SCP2: variants seen among roughly 807,000 people sequenced by gnomAD.
The protein encoded by SCP2 is sterol carrier protein 2.
In SCP2, 48 loss-of-function variants were observed where a neutral mutation model predicts 71.4. The ratio of observed to expected loss-of-function variants is 0.67; its 90% CI spans 0.53 to 0.86. SCP2 has a LOEUF of 0.86. SCP2 is among the 40% of genes least tolerant of loss of function. The pLI, the probability that SCP2 is intolerant of heterozygous loss-of-function variation, is 0.00. For missense variants in SCP2, 560 were observed against 655.6 expected, an observed-to-expected ratio of 0.85 and a Z score of 1.59; for synonymous variants, 220 against 218.1, an observed-to-expected ratio of 1.01 and a Z score of -0.08.
intron 2 of SCP2, among the ~76,000 whole-genome samples, chr1:52,944,652 T>C (rs1222745105): frequency 6.6e-6 from 1 of 152,104 alleles, no homozygotes; most frequent in East Asian, 1.9e-4. Flanking sequence ...AGTGTGTGTA[T>C]AATATTTTGA....
At chr1:53,004,968 G>C (rs1660539210) in intron 11 of SCP2, among the ~76,000 whole-genome samples, 1 of 152,222 alleles carries the variant, frequency 6.6e-6, no homozygotes, top group Admixed American at 6.5e-5. Context: ...GGCACACCAG[G>C]AGATTATATC....
intron 2 of SCP2, among the ~76,000 whole-genome samples, chr1:52,945,428 G>C (rs2150117673): frequency 1.3e-5 from 2 of 152,264 alleles, no homozygotes; most frequent in South Asian, 4.1e-4. Flanking sequence ...AGGGCCAGGT[G>C]TGGTGACTCA....
intron 11 of SCP2, chr1:52,993,316 A>C: frequency 6.2e-7 from 1 of 1,614,170 alleles, no homozygotes; most frequent in Non-Finnish European, 8.5e-7. Flanking sequence ...GGAAAGCTTG[A>C]TCTACATTCA....
At chr1:53,027,875 G>T in intron 12 of SCP2, 94 bp from the exon 13 acceptor site, 1 of 711,864 alleles carries the variant, frequency 1.4e-6, no homozygotes. Context: ...CTGTTCTTAG[G>T]GTTTTTGAAA....
chr1:52,977,808 A>G (rs928210306), intron 8 of SCP2, among the ~76,000 whole-genome samples: 10 of 152,156 alleles, frequency 6.6e-5, no homozygotes, highest in African/African-American at 2.4e-4. Flanking sequence ...TAAAAATACA[A>G]AATTAGCCAG....
intron 6 of SCP2, among the ~76,000 whole-genome samples, chr1:52,966,754 A>G (rs1656999815): frequency 6.6e-6 from 1 of 151,566 alleles, no homozygotes; most frequent in Non-Finnish European, 1.5e-5. Context: ...ATTAGCCGGC[A>G]TGGTGGCATG....
chr1:52,996,706 G>T (rs1303250201), intron 11 of SCP2, among the ~76,000 whole-genome samples: 1 of 152,116 alleles, frequency 6.6e-6, no homozygotes, highest in East Asian at 1.9e-4. Flanking sequence ...GGGATCAAGG[G>T]GGGAAAGAGA....
chr1:52,938,216 GAC>G (rs1653906433), intron 1 of SCP2, among the ~76,000 whole-genome samples: 2 of 152,126 alleles, frequency 1.3e-5, no homozygotes, highest in Admixed American at 1.3e-4. Context: ...AGGCTCAGGA[GAC>G]AAGTCCTGTT....
chr1:52,997,102 G>A (rs1442063251), intron 11 of SCP2, among the ~76,000 whole-genome samples: 1 of 152,180 alleles, frequency 6.6e-6, no homozygotes, highest in Non-Finnish European at 1.5e-5. Flanking sequence ...ATTCATAATA[G>A]TCAAAAGCTG....
chr1:53,001,384 A>G (rs924535036), intron 11 of SCP2, among the ~76,000 whole-genome samples: 1 of 152,180 alleles, frequency 6.6e-6, no homozygotes, highest in Non-Finnish European at 1.5e-5. Flanking sequence ...GGAGATGCAC[A>G]AAGAGGAAGC....
chr1:52,942,248 T>C (rs1191237832), intron 2 of SCP2, among the ~76,000 whole-genome samples: 2 of 152,216 alleles, frequency 1.3e-5, no homozygotes, highest in African/African-American at 4.8e-5. Context: ...TGTATGGTGG[T>C]TTTCTTTACT....
rs568755762 is a variant in SCP2 at position 52,951,018 on chromosome 1, T to C, written c.331+132T>C. ...TCATCAGGCCGGGTGTGGTGGCTTA[T>C]GCTTGTAACCCTAGCACTTTGGGAG... On this transcript the variant is annotated intron_variant, in intron 4 of 15. Coordinates refer to ENST00000371514, the MANE Select transcript of SCP2 (RefSeq NM_002979.5). The C allele has an allele frequency of 2.9e-6, 3 of 1,027,784 alleles. No individual in the cohort carries two copies. The South Asian group carries it at 3.9e-5, about 13-fold the overall frequency. 63.7% of individuals were successfully genotyped at this position (1,027,784 alleles called of 1,614,324 possible). A position where few individuals can be genotyped will look rare whatever the true frequency, so the allele number is the denominator to read the frequency against.
At chr1:53,044,218 C>T (rs554565190) in intron 14 of SCP2, among the ~76,000 whole-genome samples, 8 of 152,038 alleles carry the variant, frequency 5.3e-5, no homozygotes, top group Non-Finnish European at 8.8e-5. Flanking sequence ...CCACCATGCT[C>T]GGCTAATTTT....
At position 53,015,424 on chromosome 1, in the gene SCP2, C is replaced by T. The variant is rs566894511; in HGVS notation, c.1235+381C>T. Reference sequence around the variant, plus strand: ...CTTTGCAAATTTGTATTTCCGAGTCCAGCTAATAAGCCCTCGTTGATGCTA... The same window carrying T: ...CTTTGCAAATTTGTATTTCCGAGTCTAGCTAATAAGCCCTCGTTGATGCTA... On this transcript the variant is annotated intron_variant, in intron 12 of 15. Transcript: ENST00000371514. 1.4e-4 allele frequency among the ~76,000 whole-genome samples: 21 copies of T among 152,260 alleles called. No individual in the cohort carries two copies. In the South Asian group the frequency reaches 4.1e-3, roughly 30 times the overall value.
chr1:52,981,147 A>G (rs6685597), intron 10 of SCP2, among the ~76,000 whole-genome samples: 15,407 of 152,046 alleles, frequency 0.1, 1,536 homozygotes, highest in African/African-American at 0.25. Context: ...GGCCAGGCTC[A>G]TCTCAAACTC....
intron 2 of SCP2, among the ~76,000 whole-genome samples, chr1:52,943,223 G>GTTT (rs1468097201): frequency 6.7e-6 from 1 of 149,706 alleles, no homozygotes; most frequent in Non-Finnish European, 1.5e-5. Context: ...AACATGGTGG[G>GTTT]TTCTTTTTTT....
At chr1:52,968,780 C>T (rs960901268) in intron 6 of SCP2, among the ~76,000 whole-genome samples, 1 of 152,122 alleles carries the variant, frequency 6.6e-6, no homozygotes, top group Non-Finnish European at 1.5e-5. Context: ...CTGACCTGCA[C>T]AGTCAGAAAT....
rs116066832 is a variant in SCP2, at chr1:53,023,594, G to A, written c.1236-4375G>A. On this transcript the variant is annotated intron_variant, in intron 12 of 15. Transcript: ENST00000371514. ...AAGGTATGGTATCTGCTCTTAAGCCGTTGACATTTAGTAGGGTTTCACAGA... is the reference window on the plus strand; with the variant it reads ...AAGGTATGGTATCTGCTCTTAAGCCATTGACATTTAGTAGGGTTTCACAGA... Among the ~76,000 whole-genome samples the A allele has an allele frequency of 6.5e-3, 995 of 152,206 alleles. 15 individuals are homozygous for A. Among genetic ancestry groups the A allele is most frequent in the African/African-American group, 0.023 (956 of 41,534 alleles).
chr1:53,038,155 GA>G (rs891379232), intron 13 of SCP2, among the ~76,000 whole-genome samples: 2 of 146,576 alleles, frequency 1.4e-5, no homozygotes, highest in Non-Finnish European at 3.0e-5. Flanking sequence ...CAAAAAAAAA[GA>G]AAAAAAACCT....
Sources: allele counts gnomAD v4.1 joint callset (sites outside exome capture counted in the v4.1 genomes callset), GRCh38; gene constraint gnomAD v4.1.1; transcripts MANE v1.5; gene names NCBI Gene and HGNC (gene_info 2026-07-23, HGNC 2026-07-21).